The following FUT9 variants were observed in gnomAD, a reference collection of about 807,000 sequenced individuals.
The protein encoded by FUT9 is 4-galactosyl-N-acetylglucosaminide 3-alpha-L-fucosyltransferase 9.
Under a neutral mutation model 29.7 loss-of-function variants are expected in FUT9, and 15 were observed. The ratio of observed to expected loss-of-function variants is 0.51; its 90% CI spans 0.34 to 0.78. FUT9 has a LOEUF of 0.78. FUT9 is among the 30% of genes least tolerant of loss of function. The pLI, the probability that FUT9 is intolerant of heterozygous loss-of-function variation, is 0.01. For missense variants in FUT9, 319 were observed against 425.4 expected (o/e 0.75, Z 2.20); for synonymous variants, 169 against 153.7 (o/e 1.10, Z -0.74).
intron 2 of FUT9, among the ~76,000 whole-genome samples, chr6:96,120,591 C>CTTT (rs57515226): frequency 1.8e-5 from 1 of 55,312 alleles, no homozygotes; most frequent in African/African-American, 7.0e-5. Context: ...GCAAGACCAC[C>CTTT]TTTTTTTTTT....
At chr6:96,031,759 A>G (rs1240782601) in intron 1 of FUT9, among the ~76,000 whole-genome samples, 1 of 151,544 alleles carries the variant, frequency 6.6e-6, no homozygotes, top group Non-Finnish European at 1.5e-5. Flanking sequence ...AAATTTAAAT[A>G]CTTTACTTCT....
chr6:96,028,162 T>C (rs1740131432), intron 1 of FUT9, among the ~76,000 whole-genome samples: 1 of 151,284 alleles, frequency 6.6e-6, no homozygotes, highest in Non-Finnish European at 1.5e-5. Flanking sequence ...AGAAATTCTG[T>C]AGAGAGAAGA....
At chr6:96,159,295 T>C (rs1184234770) in intron 2 of FUT9, among the ~76,000 whole-genome samples, 1 of 151,956 alleles carries the variant, frequency 6.6e-6, no homozygotes, top group Non-Finnish European at 1.5e-5. Flanking sequence ...GTTGATCCCA[T>C]CAACAACAGG....
At chr6:96,023,231 A>C (rs1770105496) in intron 1 of FUT9, among the ~76,000 whole-genome samples, 1 of 151,966 alleles carries the variant, frequency 6.6e-6, no homozygotes, top group Non-Finnish European at 1.5e-5. Flanking sequence ...TTTTTCTTTG[A>C]CTACCAGAAG....
rs576104911 is a variant in FUT9, at chr6:96,018,038, A to G, written c.-98+1826A>G. Among the ~76,000 whole-genome samples, 20 of 152,304 alleles carry G rather than the reference A, an allele frequency of 1.3e-4. No homozygotes were observed. The South Asian group carries it at 3.7e-3, about 28-fold the overall frequency. On this transcript the variant is annotated intron_variant, in intron 1 of 2. Transcript: ENST00000302103. ...AGGCAGAAATGCACTGAGCAAGTCC[A>G]CTGACAAGGGGTGGTTTTAAGTAAA...
At chr6:96,031,225 A>AT (rs1219310322) in intron 1 of FUT9, among the ~76,000 whole-genome samples, 1 of 151,546 alleles carries the variant, frequency 6.6e-6, no homozygotes, top group African/African-American at 2.4e-5. Context: ...CAATTTGAAC[A>AT]TTTGAGTGTA....
At chr6:96,142,315 G>A (rs1321767912) in intron 2 of FUT9, among the ~76,000 whole-genome samples, 1 of 152,000 alleles carries the variant, frequency 6.6e-6, no homozygotes, top group Non-Finnish European at 1.5e-5. Flanking sequence ...TATTCCTTCT[G>A]GCTATAAATG....
chr6:96,204,276 G>T lies in FUT9; in HGVS notation c.*41G>T. 3 of 1,327,846 alleles carry T rather than the reference G, an allele frequency of 2.3e-6. No individual in the cohort carries two copies. Among genetic ancestry groups the T allele is most frequent in the African/African-American group, 2.9e-5 (2 of 68,144 alleles). 82.3% of individuals were successfully genotyped at this position (1,327,846 alleles called of 1,614,324 possible). A position where few individuals can be genotyped will look rare whatever the true frequency, so the allele number is the denominator to read the frequency against. ...GCACACTTGATAAATATTTTGATGAGATATCATCCAAGTATTGAGGATAAG... is the reference window on the plus strand; with the variant it reads ...GCACACTTGATAAATATTTTGATGATATATCATCCAAGTATTGAGGATAAG... On this transcript the variant is annotated 3_prime_UTR_variant, in exon 3 of 3. Transcript: ENST00000302103.
chr6:96,069,780 G>A (rs555293875), intron 1 of FUT9, among the ~76,000 whole-genome samples: 6 of 151,884 alleles, frequency 4.0e-5, no homozygotes, highest in African/African-American at 1.2e-4. Flanking sequence ...ACAGGCGCGC[G>A]CCACCATGCC....
chr6:96,182,053 A>G (rs932079968), intron 2 of FUT9, among the ~76,000 whole-genome samples: 3 of 152,112 alleles, frequency 2.0e-5, no homozygotes, highest in Non-Finnish European at 2.9e-5. Flanking sequence ...AGCACTGTAG[A>G]AGTGTTTCCT....
intron 1 of FUT9, among the ~76,000 whole-genome samples, chr6:96,091,832 A>G (rs1024263513): frequency 6.6e-6 from 1 of 152,136 alleles, no homozygotes; most frequent in Non-Finnish European, 1.5e-5. Flanking sequence ...TGCCAAGTCC[A>G]GATGGTATTA....
At chr6:96,102,739 G>T (rs1355559273) in intron 1 of FUT9, among the ~76,000 whole-genome samples, 1 of 152,078 alleles carries the variant, frequency 6.6e-6, no homozygotes, top group Non-Finnish European at 1.5e-5. Context: ...TTAAGCTCCA[G>T]ATGTAGTTGA....
chr6:96,034,969 T>C (rs1770325416), intron 1 of FUT9, among the ~76,000 whole-genome samples: 1 of 151,742 alleles, frequency 6.6e-6, no homozygotes, highest in Admixed American at 6.6e-5. Flanking sequence ...TAAGAGGAGA[T>C]AAGCAAATGA....
intron 1 of FUT9, among the ~76,000 whole-genome samples, chr6:96,048,471 T>G (rs2127936880): frequency 6.6e-6 from 1 of 152,272 alleles, no homozygotes; most frequent in African/African-American, 2.4e-5. Flanking sequence ...AGAAGAGAAC[T>G]TTCCTGTGTA....
At chr6:96,193,536 G>GA (rs1384876961) in intron 2 of FUT9, among the ~76,000 whole-genome samples, 3 of 146,658 alleles carry the variant, frequency 2.0e-5, no homozygotes, top group Non-Finnish European at 3.0e-5. Flanking sequence ...TGGCAATCAT[G>GA]AAAAAATCAG....
At chr6:96,111,420 A>T (rs1178551527) in intron 1 of FUT9, among the ~76,000 whole-genome samples, 1 of 152,126 alleles carries the variant, frequency 6.6e-6, no homozygotes, top group East Asian at 1.9e-4. Flanking sequence ...GGAGATAGAG[A>T]TAATAAAAAC....
intron 2 of FUT9, among the ~76,000 whole-genome samples, chr6:96,165,673 T>C (rs976013562): frequency 6.6e-6 from 1 of 152,014 alleles, no homozygotes; most frequent in Non-Finnish European, 1.5e-5. Context: ...TGGAATGCAG[T>C]GGCGTGATCT....
chr6:96,203,707 CA>C lies in FUT9; in HGVS notation c.555del (p.Glu186ArgfsTer8). 1 of 1,613,964 alleles carries C rather than the reference CA, an allele frequency of 6.2e-7. No homozygotes were observed. The highest frequency in any genetic ancestry group is 8.5e-7 in the Non-Finnish European group (1 of 1,179,988). On this transcript the variant is annotated frameshift_variant, in exon 3 of 3. Coordinates refer to ENST00000302103, the MANE Select transcript of FUT9 (RefSeq NM_006581.4). LOFTEE classifies it high-confidence loss of function. ...TNPFVFEVPS[K>X]EKLVCWVVSN... ...ATCCCTTCGTGTTTGAAGTGCCAAG[CA>C]AAGAGAAATTGGTGTGCTGGGTTGT...
At chr6:96,060,593 G>A (rs1192508048) in intron 1 of FUT9, among the ~76,000 whole-genome samples, 2 of 150,994 alleles carry the variant, frequency 1.3e-5, no homozygotes, top group East Asian at 1.9e-4. Flanking sequence ...CTGGAGCACA[G>A]TTGCGCTATC....
Sources: allele counts gnomAD v4.1 joint callset (sites outside exome capture counted in the v4.1 genomes callset), GRCh38; gene constraint gnomAD v4.1.1; transcripts MANE v1.5; gene names NCBI Gene and HGNC (gene_info 2026-07-23, HGNC 2026-07-21).